ZBTB16: variants seen among roughly 807,000 people sequenced by gnomAD.
ZBTB16 encodes the protein zinc finger and BTB domain-containing protein 16.
ZBTB16 carries 8 observed loss-of-function variants against 56.8 expected under a neutral mutation model. That is an observed-to-expected ratio of 0.14 (90% CI 0.08 to 0.25). ZBTB16 has a LOEUF of 0.25. Among genes scored for constraint, ZBTB16 ranks in the 10% least tolerant of loss-of-function variants. The pLI, the probability that ZBTB16 is intolerant of heterozygous loss-of-function variation, is 1.00. For missense variants in ZBTB16, 625 were observed against 903.0 expected (o/e 0.69, Z 3.95); for synonymous variants, 363 against 368.5 (o/e 0.98, Z 0.17).
At chr11:114,194,990 A>G (rs917494536) in intron 4 of ZBTB16, among the ~76,000 whole-genome samples, 1 of 152,238 alleles carries the variant, frequency 6.6e-6, no homozygotes, top group Non-Finnish European at 1.5e-5. Flanking sequence ...TCTCCATGTC[A>G]TTTGATCTGG....
In ZBTB16 at chr11:114,254,706, C is replaced by T. The variant is rs1235418540; in HGVS notation, c.*4151C>T. ...GGCCCATCCTGTGGTCATCTTTCCC[C>T]CTCCCATCATACCTCCTCCTTCCTG... On this transcript the variant is annotated 3_prime_UTR_variant, in exon 7 of 7. Transcript: ENST00000335953. 6.6e-6 allele frequency among the ~76,000 whole-genome samples: 1 copy of T among 152,224 alleles called. No homozygotes were observed. The highest frequency in any genetic ancestry group is 1.5e-5 in the Non-Finnish European group (1 of 68,048).
In ZBTB16 at chr11:114,070,094, CTTTTTTT is replaced by C. The variant is rs4020465; in HGVS notation, c.1268+5545_1268+5551del. Among the ~76,000 whole-genome samples, 23 of 75,968 alleles carry C rather than the reference CTTTTTTT, an allele frequency of 3.0e-4. No homozygotes were observed. In the East Asian group the frequency reaches 4.6e-3, roughly 15 times the overall value. The allele number at this position is 75,968 out of a possible 152,430, so 49.8% of individuals were successfully genotyped here. ...ACACGATAGGTGTCAGAGTACCTTT[CTTTTTTT>C]TTTTTTTTTTTTTTTTTTGAGACGG... is the stretch of plus-strand genomic sequence containing the variant. On this transcript the variant is annotated intron_variant, in intron 2 of 6. Coordinates refer to ENST00000335953, the MANE Select transcript of ZBTB16 (RefSeq NM_006006.6).
At chr11:114,245,170 G>A (rs556704783) in intron 5 of ZBTB16, among the ~76,000 whole-genome samples, 1 of 152,316 alleles carries the variant, frequency 6.6e-6, no homozygotes, top group Admixed American at 6.5e-5. Context: ...CCTTGAGTTT[G>A]ATGGGGCTGG....
intron 2 of ZBTB16, among the ~76,000 whole-genome samples, chr11:114,069,146 C>T (rs1261136019): frequency 1.3e-5 from 2 of 152,114 alleles, no homozygotes; most frequent in African/African-American, 2.4e-5. Flanking sequence ...AGTGCAGTGG[C>T]GCGATCTCAG....
intron 4 of ZBTB16, among the ~76,000 whole-genome samples, chr11:114,200,758 C>A (rs1326464088): frequency 1.3e-5 from 2 of 152,184 alleles, no homozygotes; most frequent in Non-Finnish European, 2.9e-5. Context: ...TGCTCAGCCC[C>A]TCAAGCTTCT....
At chr11:114,198,921 A>C (rs1308053796) in intron 4 of ZBTB16, among the ~76,000 whole-genome samples, 2 of 152,222 alleles carry the variant, frequency 1.3e-5, no homozygotes, top group Non-Finnish European at 2.9e-5. Context: ...TCACCCCAGC[A>C]CATTTTATAT....
At chr11:114,136,185 G>T (rs1941793064) in intron 2 of ZBTB16, among the ~76,000 whole-genome samples, 1 of 152,156 alleles carries the variant, frequency 6.6e-6, no homozygotes, top group Admixed American at 6.5e-5. Context: ...TTCCTTTTGT[G>T]AACAACCTGG....
At chr11:114,184,547 ACTCTGAAATCAGG>A (rs1285043646) in intron 3 of ZBTB16, among the ~76,000 whole-genome samples, 3 of 152,284 alleles carry the variant, frequency 2.0e-5, no homozygotes, top group African/African-American at 2.4e-5. Flanking sequence ...TACGGGGATT[ACTCTGAAATCAGG>A]CTCTGAAATC....
chr11:114,233,101 ACACACACACACACACACACACACACT>A (rs1253147569), intron 4 of ZBTB16, among the ~76,000 whole-genome samples: 13 of 41,276 alleles, frequency 3.1e-4, no homozygotes, highest in Admixed American at 6.7e-4. Context: ...ACACACACAC[ACACACACACACACACACACACACACT>A]CTCTCTCTCT....
chr11:114,243,500 T>C (rs929216419), intron 5 of ZBTB16, among the ~76,000 whole-genome samples: 1 of 152,198 alleles, frequency 6.6e-6, no homozygotes, highest in Admixed American at 6.5e-5. Context: ...TGGATGCCAT[T>C]TTGTTCAGGG....
chr11:114,247,945 C>T (rs971544569), intron 6 of ZBTB16, among the ~76,000 whole-genome samples: 5 of 152,048 alleles, frequency 3.3e-5, no homozygotes, highest in East Asian at 3.9e-4. Flanking sequence ...TTGGCCAGGC[C>T]GGAGTGCAGT....
intron 4 of ZBTB16, among the ~76,000 whole-genome samples, chr11:114,223,898 A>G (rs1363073222): frequency 6.6e-6 from 1 of 152,210 alleles, no homozygotes; most frequent in Non-Finnish European, 1.5e-5. Context: ...CAAGGTAGGT[A>G]AATGTCCAGA....
At chr11:114,137,365 CAA>C (rs1487767479) in intron 2 of ZBTB16, among the ~76,000 whole-genome samples, 1 of 152,156 alleles carries the variant, frequency 6.6e-6, no homozygotes, top group Admixed American at 6.5e-5. Context: ...AAGAGCTCTC[CAA>C]AATGGAAGTG....
intron 2 of ZBTB16, among the ~76,000 whole-genome samples, chr11:114,129,051 T>C (rs534133000): frequency 6.6e-6 from 1 of 152,312 alleles, no homozygotes; most frequent in Admixed American, 6.5e-5. Context: ...TTGGCCACTT[T>C]CATCTGGGTC....
At chr11:114,074,347 C>A (rs1939460244) in intron 2 of ZBTB16, among the ~76,000 whole-genome samples, 1 of 152,196 alleles carries the variant, frequency 6.6e-6, no homozygotes, top group South Asian at 2.1e-4. Flanking sequence ...TAGCGTGATC[C>A]ATCGGGCCCA....
chr11:114,158,486 C>A (rs1010956596), intron 3 of ZBTB16, among the ~76,000 whole-genome samples: 1 of 152,210 alleles, frequency 6.6e-6, no homozygotes, highest in African/African-American at 2.4e-5. Flanking sequence ...TGTTCCCCAC[C>A]TCCAGCCAGA....
intron 4 of ZBTB16, among the ~76,000 whole-genome samples, chr11:114,213,225 G>A (rs562336118): frequency 5.9e-5 from 9 of 152,172 alleles, no homozygotes; most frequent in East Asian, 1.9e-4. Flanking sequence ...TTTGTCCATC[G>A]CTTCCAACTC....
chr11:114,175,280 C>T (rs1405603674), intron 3 of ZBTB16, among the ~76,000 whole-genome samples: 1 of 152,186 alleles, frequency 6.6e-6, no homozygotes, highest in East Asian at 1.9e-4. Flanking sequence ...GGCTGCCCTG[C>T]AATAAGGAGT....
chr11:114,066,678 G>A (rs889820924), intron 2 of ZBTB16, among the ~76,000 whole-genome samples: 1 of 151,836 alleles, frequency 6.6e-6, no homozygotes, highest in Non-Finnish European at 1.5e-5. Context: ...TGTTATATTC[G>A]AAAGAGCCTG....
Sources: gnomAD v4.1 joint callset for allele counts (sites outside exome capture counted in the v4.1 genomes callset) on GRCh38, gnomAD v4.1.1 for gene constraint, MANE v1.5 for transcripts, NCBI Gene and HGNC (gene_info 2026-07-23, HGNC 2026-07-21) for gene names.